Variants in KIAA1671 observed in about 807,000 individuals in gnomAD.
KIAA1671 encodes KIAA1671.
A neutral mutation model predicts 131.2 loss-of-function variants in KIAA1671; 52 were observed. The observed-to-expected ratio is 0.40, with a 90% CI of 0.32 to 0.50. The LOEUF (loss-of-function observed/expected upper bound fraction) is 0.50, where lower values mean the gene tolerates loss of function less well. Among genes scored for constraint, KIAA1671 ranks in the 20% least tolerant of loss-of-function variants. KIAA1671 has a pLI of 0.73. For missense variants in KIAA1671, 2,360 were observed against 2,364.2 expected, an observed-to-expected ratio of 1.00 and a Z score of 0.04; for synonymous variants, 1,003 against 961.6, an observed-to-expected ratio of 1.04 and a Z score of -0.80.
chr22:25,169,335 C>T (rs1359551827), intron 6 of KIAA1671, among the ~76,000 whole-genome samples: 4 of 149,330 alleles, frequency 2.7e-5, no homozygotes, highest in Non-Finnish European at 5.9e-5. Context: ...AGGAGGATTA[C>T]TTGAGCCCCA....
At chr22:24,957,058 T>C (rs1921748613) in intron 1 of KIAA1671, among the ~76,000 whole-genome samples, 1 of 152,148 alleles carries the variant, frequency 6.6e-6, no homozygotes, top group Non-Finnish European at 1.5e-5. Context: ...GTGAGTTTAC[T>C]GAAGCAGTGT....
intron 1 of KIAA1671, among the ~76,000 whole-genome samples, chr22:24,962,055 G>A (rs1425622306): frequency 6.6e-6 from 1 of 152,198 alleles, no homozygotes; most frequent in East Asian, 1.9e-4. Context: ...GCATAAGAAG[G>A]TGCTTTATAC....
At chr22:25,083,336 C>A (rs1207761256) in intron 6 of KIAA1671, among the ~76,000 whole-genome samples, 1 of 152,152 alleles carries the variant, frequency 6.6e-6, no homozygotes, top group Non-Finnish European at 1.5e-5. Flanking sequence ...ACCTAACACC[C>A]TTATTTTAAA....
At chr22:25,045,305 G>A (rs1927163483) in intron 5 of KIAA1671, among the ~76,000 whole-genome samples, 1 of 152,212 alleles carries the variant, frequency 6.6e-6, no homozygotes, top group Non-Finnish European at 1.5e-5. Context: ...TGCCCCTGGG[G>A]CACATTTGGC....
intron 6 of KIAA1671, among the ~76,000 whole-genome samples, chr22:25,074,189 G>GATAT (rs71322719): frequency 1.0e-4 from 15 of 150,210 alleles, no homozygotes; most frequent in East Asian, 5.9e-4. Context: ...ATATAGAGAG[G>GATAT]ATATATATAT....
intron 6 of KIAA1671, among the ~76,000 whole-genome samples, chr22:25,150,055 G>A (rs375330853): frequency 6.6e-6 from 1 of 152,200 alleles, no homozygotes; most frequent in South Asian, 2.1e-4. Flanking sequence ...AGCTTCTCCA[G>A]GGCAGCTGTC....
At chr22:25,149,422 G>C (rs1932964444) in intron 6 of KIAA1671, among the ~76,000 whole-genome samples, 1 of 152,150 alleles carries the variant, frequency 6.6e-6, no homozygotes, top group South Asian at 2.1e-4. Flanking sequence ...TTTCAGGGAG[G>C]AGGAGAGTGG....
At chr22:24,977,496 T>A (rs1361121621) in intron 1 of KIAA1671, among the ~76,000 whole-genome samples, 1 of 152,212 alleles carries the variant, frequency 6.6e-6, no homozygotes, top group African/African-American at 2.4e-5. Flanking sequence ...TCATAGAGCC[T>A]GTGAGTCCAA....
At chr22:25,111,379 A>G (rs1040501868) in intron 6 of KIAA1671, among the ~76,000 whole-genome samples, 19 of 152,130 alleles carry the variant, frequency 1.2e-4, no homozygotes, top group Admixed American at 6.5e-5. Flanking sequence ...TGGGGGAGAA[A>G]AAAATGGGGG....
At chr22:24,964,780 T>C (rs1569193285) in intron 1 of KIAA1671, among the ~76,000 whole-genome samples, 1 of 151,960 alleles carries the variant, frequency 6.6e-6, no homozygotes, top group Non-Finnish European at 1.5e-5. Flanking sequence ...GGAAACTGAG[T>C]TTTGGAGAAG....
intron 6 of KIAA1671, among the ~76,000 whole-genome samples, chr22:25,134,397 C>A (rs553334096): frequency 6.6e-6 from 1 of 151,986 alleles, no homozygotes. Context: ...TGTGTGTACC[C>A]GAAATCTGAT....
intron 6 of KIAA1671, among the ~76,000 whole-genome samples, chr22:25,066,357 C>T (rs1277407271): frequency 1.3e-5 from 2 of 152,146 alleles, no homozygotes; most frequent in African/African-American, 4.8e-5. Flanking sequence ...TGATGTTGCC[C>T]AAGCTGGTCT....
chr22:25,154,254 A>T (rs1051690011), intron 6 of KIAA1671, among the ~76,000 whole-genome samples: 1 of 149,790 alleles, frequency 6.7e-6, no homozygotes, highest in African/African-American at 2.6e-5. Flanking sequence ...GCTGCCTTCA[A>T]CGGCCCTAGT....
At chr22:25,078,062 G>C (rs983886038) in intron 6 of KIAA1671, among the ~76,000 whole-genome samples, 2 of 152,336 alleles carry the variant, frequency 1.3e-5, no homozygotes, top group South Asian at 2.1e-4. Flanking sequence ...GTAACCACCA[G>C]ATATGCAACA....
intron 8 of KIAA1671, chr22:25,175,080 T>C (rs1933976409): frequency 6.6e-6 from 1 of 152,430 alleles, no homozygotes. Flanking sequence ...AGCCAGGATG[T>C]CAGCTGCCCC....
intron 5 of KIAA1671, 47 bp from the exon 6 acceptor site, chr22:25,049,183 A>G: frequency 6.5e-7 from 1 of 1,527,966 alleles, no homozygotes; most frequent in Non-Finnish European, 8.8e-7. Flanking sequence ...TTTCCTGTAA[A>G]TGAGAAGGCT....
intron 1 of KIAA1671, among the ~76,000 whole-genome samples, chr22:24,996,102 A>G (rs1318527463): frequency 1.3e-5 from 2 of 152,094 alleles, no homozygotes; most frequent in African/African-American, 4.8e-5. Flanking sequence ...TTTCTCTAAC[A>G]AGGCTAGGTA....
chr22:24,996,591 C>T (rs996556697), intron 1 of KIAA1671, among the ~76,000 whole-genome samples: 3 of 151,830 alleles, frequency 2.0e-5, no homozygotes, highest in South Asian at 4.2e-4. Context: ...CATGCATCCC[C>T]GAGAGAGGGA....
At chr22:25,013,655 A>G (rs1213769113) in intron 1 of KIAA1671, 1 of 152,148 alleles carries the variant, frequency 6.6e-6, no homozygotes, top group Non-Finnish European at 1.5e-5. Flanking sequence ...TTTTATGTTG[A>G]ATTGAGCTTT....
Sources: allele counts gnomAD v4.1 joint callset (sites outside exome capture counted in the v4.1 genomes callset), GRCh38; gene constraint gnomAD v4.1.1; transcripts MANE v1.5; gene names NCBI Gene and HGNC (gene_info 2026-07-23, HGNC 2026-07-21).